The following GRAMD4 variants were observed in gnomAD, a reference collection of about 807,000 sequenced individuals.
GRAMD4 encodes GRAM domain containing 4.
A neutral mutation model predicts 83.9 loss-of-function variants in GRAMD4; 25 were observed. The observed-to-expected ratio is 0.30, with a 90% CI of 0.22 to 0.42. The LOEUF (loss-of-function observed/expected upper bound fraction) is 0.42. GRAMD4 is among the 10% of genes least tolerant of loss of function. GRAMD4 has a pLI of 1.00. For synonymous variants in GRAMD4, 336 were observed against 320.9 expected (o/e 1.05, Z -0.50); for missense variants, 593 against 788.7 (o/e 0.75, Z 2.97).
intron 8 of GRAMD4, among the ~76,000 whole-genome samples, chr22:46,664,426 C>T (rs566503349): frequency 1.3e-5 from 2 of 152,224 alleles, no homozygotes; most frequent in African/African-American, 4.8e-5. Flanking sequence ...ACTCACCGTG[C>T]AGTGCGGTGG....
intron 1 of GRAMD4, among the ~76,000 whole-genome samples, chr22:46,580,588 T>G (rs577145337): frequency 1.3e-5 from 2 of 152,286 alleles, no homozygotes; most frequent in East Asian, 3.9e-4. Flanking sequence ...TTGGAGCCCT[T>G]GGCTGCTGGG....
At chr22:46,652,150 G>A (rs2082175693) in intron 3 of GRAMD4, among the ~76,000 whole-genome samples, 1 of 152,144 alleles carries the variant, frequency 6.6e-6, no homozygotes, top group Non-Finnish European at 1.5e-5. Flanking sequence ...TTGTAGATGT[G>A]GATGAGTCGC....
chr22:46,670,094 T>C (rs1248646021), intron 13 of GRAMD4, among the ~76,000 whole-genome samples: 2 of 152,184 alleles, frequency 1.3e-5, no homozygotes, highest in Non-Finnish European at 2.9e-5. Flanking sequence ...GAGAGCTCCG[T>C]GCCGGAGTCG....
At chr22:46,680,612 A>C (rs2082659946), downstream of GRAMD4, among the ~76,000 whole-genome samples, 1 of 117,448 alleles carries the variant, frequency 8.5e-6, no homozygotes, top group African/African-American at 3.2e-5. Flanking sequence ...CCATTCATCC[A>C]TCCACCCACC....
In GRAMD4 at chr22:46,661,448, C is replaced by G. The variant is rs1263915745; in HGVS notation, c.466+6C>G. 2 of 1,604,218 alleles carry G rather than the reference C, an allele frequency of 1.2e-6. No homozygotes were observed. The highest frequency in any genetic ancestry group is 2.2e-5 in the East Asian group (1 of 44,846). ...CCAGGCCAGCAATGGAGCAGGTACA[C>G]CCTGGTGGGCGGGTGGACAGGCAGG... On this transcript the variant is annotated splice_donor_region_variant and intron_variant, in intron 5 of 18. Transcript: ENST00000406902.
intron 3 of GRAMD4, among the ~76,000 whole-genome samples, chr22:46,649,432 C>T (rs942978361): frequency 1.3e-5 from 2 of 152,234 alleles, no homozygotes; most frequent in African/African-American, 4.8e-5. Context: ...TCAGATGCCG[C>T]GTGCCTCTCA....
chr22:46,643,349 A>G (rs555430016), intron 3 of GRAMD4, among the ~76,000 whole-genome samples: 7 of 152,110 alleles, frequency 4.6e-5, no homozygotes, highest in African/African-American at 1.7e-4. Context: ...CCATCCATCC[A>G]TCCATCTATT....
At chr22:46,598,176 T>G (rs1006418047) in intron 1 of GRAMD4, among the ~76,000 whole-genome samples, 1 of 151,964 alleles carries the variant, frequency 6.6e-6, no homozygotes, top group Admixed American at 6.6e-5. Flanking sequence ...GAGACAGGGT[T>G]TCTCCATGTT....
At chr22:46,600,412 C>G (rs6520049) in intron 1 of GRAMD4, among the ~76,000 whole-genome samples, 7 of 152,164 alleles carry the variant, frequency 4.6e-5, no homozygotes, top group Admixed American at 2.6e-4. Context: ...CTTCTTCTGA[C>G]GTGGTGCTTT....
rs2082036662 is a variant in GRAMD4 at position 46,644,413 on chromosome 22, A to ATGTTACACCTGCCCCTGTTCCG, written c.283+6461_283+6482dup. On this transcript the variant is annotated intron_variant, in intron 3 of 18. Transcript: ENST00000406902. ...TCCAGGTTACACCTGCCCCTGTTCC[A>ATGTTACACCTGCCCCTGTTCCG]TGTTACACCTGCCCCTGTTCCGTGT... Among the ~76,000 whole-genome samples, 4 of 140,066 alleles carry ATGTTACACCTGCCCCTGTTCCG rather than the reference A, an allele frequency of 2.9e-5. No homozygotes were observed. The South Asian group carries it at 9.1e-4, about 32-fold the overall frequency. 91.9% of individuals were successfully genotyped at this position (140,066 alleles called of 152,430 possible). A position where few individuals can be genotyped will look rare whatever the true frequency, so the allele number is the denominator to read the frequency against.
chr22:46,632,082 G>A (rs910990842), intron 2 of GRAMD4, among the ~76,000 whole-genome samples: 2 of 152,260 alleles, frequency 1.3e-5, no homozygotes, highest in Non-Finnish European at 1.5e-5. Flanking sequence ...CTTCATTCCT[G>A]CTTCCTTTCG....
chr22:46,623,851 G>A (rs1327592007), intron 1 of GRAMD4, among the ~76,000 whole-genome samples: 3 of 150,168 alleles, frequency 2.0e-5, no homozygotes, highest in South Asian at 2.1e-4. Context: ...GCGTGATCTC[G>A]GCTCACTGCA....
chr22:46,673,085 G>C (rs1250753656), intron 14 of GRAMD4, 88 bp downstream of exon 14: 9 of 1,081,174 alleles, frequency 8.3e-6, no homozygotes, highest in Non-Finnish European at 1.2e-5. Flanking sequence ...GTTCACCTCC[G>C]GCTCATTTAG....
At chr22:46,670,970 C>A in intron 13 of GRAMD4, 1 of 323,576 alleles carries the variant, frequency 3.1e-6, no homozygotes, top group Non-Finnish European at 7.2e-6. Flanking sequence ...ATCACCACTG[C>A]CACTGGGCAG....
Position 46,620,861 on chromosome 22 carries a change from C to G in GRAMD4, c.-50+296C>G, listed in dbSNP as rs2081563651. Reference sequence around the variant, plus strand: ...AAGAGGAGGAGCCTCCCAGGAAGCCCCTCAGAACCTGACAGGACGAGAGGA... The same window carrying G: ...AAGAGGAGGAGCCTCCCAGGAAGCCGCTCAGAACCTGACAGGACGAGAGGA... On this transcript the variant is annotated intron_variant, in intron 1 of 18. Coordinates refer to ENST00000406902, the MANE Select transcript of GRAMD4 (RefSeq NM_015124.5). The surrounding 1 kb of genome is among the most constrained non-coding windows in gnomAD (Gnocchi z 4.7). Among the ~76,000 whole-genome samples, 1 of 152,116 alleles carries G rather than the reference C, an allele frequency of 6.6e-6. No homozygotes were observed. The highest frequency in any genetic ancestry group is 1.9e-4 in the East Asian group (1 of 5,176).
chr22:46,580,683 C>T (rs930444915), intron 1 of GRAMD4, among the ~76,000 whole-genome samples: 1 of 152,114 alleles, frequency 6.6e-6, no homozygotes, highest in African/African-American at 2.4e-5. Context: ...ATGTGGGTTT[C>T]GCCGGGCGCG....
At chr22:46,654,019 G>A (rs1481348298) in intron 3 of GRAMD4, among the ~76,000 whole-genome samples, 4 of 152,222 alleles carry the variant, frequency 2.6e-5, no homozygotes, top group Admixed American at 6.5e-5. Context: ...CCAGGCGGAC[G>A]CTCCCTTTGG....
intron 3 of GRAMD4, among the ~76,000 whole-genome samples, chr22:46,639,175 TG>T (rs2081936521): frequency 1.3e-5 from 2 of 151,736 alleles, no homozygotes; most frequent in Non-Finnish European, 2.9e-5. Flanking sequence ...TGTGTGTGTG[TG>T]TGTGTATGTA....
chr22:46,627,766 T>C (rs1351632829), intron 2 of GRAMD4, among the ~76,000 whole-genome samples: 1 of 152,254 alleles, frequency 6.6e-6, no homozygotes, highest in Non-Finnish European at 1.5e-5. Flanking sequence ...TAATGCTTTA[T>C]AACAGGACAG....
Sources: allele counts gnomAD v4.1 joint callset (sites outside exome capture counted in the v4.1 genomes callset), GRCh38; gene constraint gnomAD v4.1.1; non-coding constraint Gnocchi (gnomAD v3.1); transcripts MANE v1.5; gene names NCBI Gene and HGNC (gene_info 2026-07-23, HGNC 2026-07-21).